ITGB5: variants seen among roughly 807,000 people sequenced by gnomAD.
The protein encoded by ITGB5 is integrin subunit beta 5.
Under a neutral mutation model 84.8 loss-of-function variants are expected in ITGB5, and 38 were observed. The ratio of observed to expected loss-of-function variants is 0.45; its 90% CI spans 0.35 to 0.59. ITGB5 has a LOEUF of 0.59. ITGB5 is among the 20% of genes least tolerant of loss of function. The probability of loss-of-function intolerance (pLI) is 0.01; values close to 1 mark genes in which losing one functional copy is unlikely to be tolerated. For synonymous variants in ITGB5, 393 were observed against 414.4 expected (o/e 0.95, Z 0.63); for missense variants, 905 against 1,034.5 (o/e 0.87, Z 1.72).
chr3:124,839,734 A>G (rs950867850), intron 5 of ITGB5, among the ~76,000 whole-genome samples: 2 of 152,274 alleles, frequency 1.3e-5, no homozygotes, highest in Non-Finnish European at 2.9e-5. Flanking sequence ...AATCAAATTC[A>G]TAAACTATTT....
At chr3:124,864,989 C>T (rs2065365636) in intron 2 of ITGB5, among the ~76,000 whole-genome samples, 1 of 152,218 alleles carries the variant, frequency 6.6e-6, no homozygotes, top group Non-Finnish European at 1.5e-5. Context: ...CTGGCCCTGG[C>T]TTCTTGGGCC....
intron 12 of ITGB5, among the ~76,000 whole-genome samples, chr3:124,766,555 G>T (rs1341872680): frequency 6.6e-6 from 1 of 152,220 alleles, no homozygotes; most frequent in Non-Finnish European, 1.5e-5. Flanking sequence ...TGGCTTTGGG[G>T]ACACGTGGAA....
At chr3:124,871,469 C>T (rs192152000) in intron 2 of ITGB5, among the ~76,000 whole-genome samples, 239 of 152,306 alleles carry the variant, frequency 1.6e-3, no homozygotes, top group African/African-American at 5.5e-3. Context: ...ACTAGGATTA[C>T]AGGCGTGAGC....
At chr3:124,819,256 A>G (rs2064659927) in intron 7 of ITGB5, among the ~76,000 whole-genome samples, 1 of 152,226 alleles carries the variant, frequency 6.6e-6, no homozygotes, top group Admixed American at 6.5e-5. Flanking sequence ...ACAGATCCAT[A>G]TGCAGACTGC....
At chr3:124,843,746 T>C (rs1327215989) in intron 4 of ITGB5, among the ~76,000 whole-genome samples, 2 of 152,198 alleles carry the variant, frequency 1.3e-5, no homozygotes, top group African/African-American at 2.4e-5. Flanking sequence ...GATCCGGACG[T>C]TCTGGGGTCA....
chr3:124,835,246 C>T (rs116336430), intron 5 of ITGB5, among the ~76,000 whole-genome samples: 4,108 of 152,284 alleles, frequency 0.027, 194 homozygotes, highest in African/African-American at 0.092. Context: ...GGTGGGGCTG[C>T]GGAGCCCACA....
At chr3:124,850,626 T>C (rs959494896) in intron 3 of ITGB5, among the ~76,000 whole-genome samples, 8 of 151,432 alleles carry the variant, frequency 5.3e-5, no homozygotes, top group Non-Finnish European at 1.0e-4. Context: ...CGCACCAGCA[T>C]GGCACATGTA....
chr3:124,861,521 CACACACAGAGAG>C (rs1559974439), intron 2 of ITGB5, among the ~76,000 whole-genome samples: 1 of 146,924 alleles, frequency 6.8e-6, no homozygotes, highest in African/African-American at 2.6e-5. Flanking sequence ...CACACACACA[CACACACAGAGAG>C]ATACACATAT....
intron 1 of ITGB5, among the ~76,000 whole-genome samples, chr3:124,877,698 G>A (rs1157436789): frequency 1.3e-5 from 2 of 152,096 alleles, no homozygotes; most frequent in Admixed American, 1.3e-4. Flanking sequence ...TGCCCACATG[G>A]GATACCTGCC....
At position 124,819,768 on chromosome 3, in the gene ITGB5, C is replaced by G; in HGVS notation, c.1009G>C (p.Val337Leu). 1.2e-6 allele frequency: 2 copies of G among 1,613,870 alleles called. No individual in the cohort carries two copies. Among genetic ancestry groups the G allele is most frequent in the Non-Finnish European group, 1.7e-6 (2 of 1,179,784 alleles). ...AENNINLIFA[V>L]TKNHYMLYKN... is the part of the protein sequence containing the mutation. ...TACAGCATATAATGGTTTTTTGTCA[C>G]TGCAAAGATGAGGTTGATGTTGTTC... The change falls in exon 7 of 15, where the codon GTG (valine) becomes CTG (leucine). Residue 337 changes from valine (V) to leucine (L), a missense_variant. This residue lies in a region of ITGB5 where 656 missense variants were observed against 734.7 expected (regional missense o/e 0.89). Transcript: ENST00000296181.
intron 9 of ITGB5, among the ~76,000 whole-genome samples, chr3:124,801,676 T>G (rs1463677559): frequency 1.3e-5 from 2 of 152,228 alleles, no homozygotes; most frequent in Admixed American, 1.3e-4. Flanking sequence ...CAGCTATGCT[T>G]GATACTCTTG....
chr3:124,767,400 G>A (rs1463185089), intron 12 of ITGB5, among the ~76,000 whole-genome samples: 1 of 152,190 alleles, frequency 6.6e-6, no homozygotes, highest in African/African-American at 2.4e-5. Context: ...AAAAAAGCTT[G>A]GAAGAAAGAA....
Position 124,765,983 on chromosome 3 carries a change from C to T in ITGB5, c.2137+243G>A, listed in dbSNP as rs975613386. 1.6e-4 allele frequency among the ~76,000 whole-genome samples: 24 copies of T among 150,118 alleles called. 1 individual carries two copies. The highest frequency in any genetic ancestry group is 1.5e-3 in the Admixed American group (23 of 15,052). On this transcript the variant is annotated intron_variant, in intron 13 of 14. Coordinates refer to ENST00000296181, the MANE Select transcript of ITGB5 (RefSeq NM_002213.5). ...CTGAAGCGGGAGGATCACCTGAACC[C>T]GAGGAGGTCAAGGCTGCAGTGAGCT...
At chr3:124,783,766 A>G (rs1445267897) in intron 10 of ITGB5, among the ~76,000 whole-genome samples, 1 of 152,252 alleles carries the variant, frequency 6.6e-6, no homozygotes, top group Non-Finnish European at 1.5e-5. Flanking sequence ...CTCTGGAAGA[A>G]CATGGTTGTG....
chr3:124,827,900 C>T (rs1164503754), intron 5 of ITGB5, among the ~76,000 whole-genome samples: 1 of 150,282 alleles, frequency 6.7e-6, no homozygotes, highest in Non-Finnish European at 1.5e-5. Flanking sequence ...CACCTTGTGA[C>T]CCCCACCCCT....
intron 1 of ITGB5, among the ~76,000 whole-genome samples, chr3:124,885,197 G>C (rs1403573967): frequency 3.9e-5 from 6 of 152,096 alleles, no homozygotes; most frequent in Non-Finnish European, 8.8e-5. Context: ...TTGAACCTGG[G>C]AGGTGGAGGT....
intron 8 of ITGB5, among the ~76,000 whole-genome samples, chr3:124,815,558 C>T (rs1358976920): frequency 1.3e-5 from 2 of 152,208 alleles, no homozygotes; most frequent in Non-Finnish European, 2.9e-5. Context: ...CAGCAGTGCA[C>T]CTTCTGCCCT....
At chr3:124,807,942 A>T in intron 9 of ITGB5, among the ~76,000 whole-genome samples, 2 of 24,254 alleles carry the variant, frequency 8.2e-5, no homozygotes, top group Non-Finnish European at 1.3e-4. Context: ...ACTTCATCTC[A>T]AAAAAAAAAA....
At chr3:124,822,697 T>G (rs2064725744) in intron 5 of ITGB5, among the ~76,000 whole-genome samples, 1 of 152,188 alleles carries the variant, frequency 6.6e-6, no homozygotes. Context: ...GAGAATCAGT[T>G]TCCTAGACAC....
Sources: allele counts gnomAD v4.1 joint callset (sites outside exome capture counted in the v4.1 genomes callset), GRCh38; gene constraint gnomAD v4.1.1; regional missense constraint gnomAD v4.1.1; transcripts MANE v1.5; gene names NCBI Gene and HGNC (gene_info 2026-07-23, HGNC 2026-07-21).